The following DLC1 variants were observed in gnomAD, a reference collection of about 807,000 sequenced individuals.
The protein encoded by DLC1 is DLC1 Rho GTPase activating protein.
In DLC1, 54 loss-of-function variants were observed where a neutral mutation model predicts 140.3. The observed-to-expected ratio is 0.38, with a 90% confidence interval of 0.31 to 0.48. The LOEUF (loss-of-function observed/expected upper bound fraction) is 0.48. Ranked by LOEUF, DLC1 falls within the 20% of genes least tolerant of loss-of-function variation. DLC1 has a pLI of 0.96. For missense variants in DLC1, 2,536 were observed against 1,907.0 expected, an observed-to-expected ratio of 1.33 and a Z score of -6.14; for synonymous variants, 986 against 728.1, an observed-to-expected ratio of 1.35 and a Z score of -5.70.
chr8:13,357,185 C>T (rs998566370), intron 4 of DLC1, among the ~76,000 whole-genome samples: 4 of 152,094 alleles, frequency 2.6e-5, no homozygotes, highest in Admixed American at 2.6e-4. Flanking sequence ...GCCCAGGAAT[C>T]GCTTGAACCT....
intron 5 of DLC1, among the ~76,000 whole-genome samples, chr8:13,256,871 C>G (rs540027067): frequency 1.5e-4 from 22 of 145,202 alleles, no homozygotes; most frequent in Non-Finnish European, 3.0e-4. Context: ...CACATGTATC[C>G]CAGAACTTAA....
intron 2 of DLC1, among the ~76,000 whole-genome samples, chr8:13,435,808 G>A (rs1048397363): frequency 1.3e-5 from 2 of 152,138 alleles, no homozygotes; most frequent in African/African-American, 2.4e-5. Context: ...CTGTCAAACA[G>A]CACTGCAAGC....
chr8:13,101,680 C>T (rs867120882), intron 8 of DLC1, among the ~76,000 whole-genome samples: 1 of 152,152 alleles, frequency 6.6e-6, no homozygotes. Flanking sequence ...TGAAGGCTAG[C>T]GCTCAGGCCA....
intron 4 of DLC1, among the ~76,000 whole-genome samples, chr8:13,330,797 A>C (rs2116942688): frequency 6.6e-6 from 1 of 152,300 alleles, no homozygotes; most frequent in Admixed American, 6.5e-5. Context: ...ACTTTTCTTC[A>C]GACTCTCTGT....
intron 2 of DLC1, among the ~76,000 whole-genome samples, chr8:13,486,637 G>C (rs748299230): frequency 2.6e-5 from 4 of 151,806 alleles, no homozygotes; most frequent in Non-Finnish European, 5.9e-5. Flanking sequence ...GAAATGCAAG[G>C]GTATTTAGTT....
rs773757755 is a variant in DLC1 at position 13,401,493 on chromosome 8, T to C, written c.1150A>G (p.Thr384Ala). The change falls in exon 3 of 18, where the codon ACA becomes GCA. Residue 384 changes from threonine (T) to alanine (A), a missense_variant. Thr to Ala is a moderately conservative substitution (Grantham distance 58, BLOSUM62 0). Transcript: ENST00000276297. ...STSSSPSGTP[T>A]NLRRHVPDLE... ...ACAGGAACGTGCCGCCGCAGGTTTG[T>C]TGGTGTGCCTGATGGAGAGGAGCTG... The C allele has an allele frequency of 3.1e-6, 5 of 1,612,640 alleles. No homozygotes were observed. Among genetic ancestry groups the C allele is most frequent in the Admixed American group, 1.7e-5 (1 of 59,988 alleles).
intron 5 of DLC1, among the ~76,000 whole-genome samples, chr8:13,196,825 T>C (rs924702765): frequency 2.0e-5 from 3 of 152,226 alleles, no homozygotes; most frequent in Non-Finnish European, 4.4e-5. Flanking sequence ...TCAAATGAGA[T>C]GAAAAGATTT....
At chr8:13,110,399 T>A (rs979998613) in intron 7 of DLC1, among the ~76,000 whole-genome samples, 3 of 152,176 alleles carry the variant, frequency 2.0e-5, no homozygotes, top group African/African-American at 7.2e-5. Context: ...CCACCCCCCA[T>A]TTATTCCTCT....
At chr8:13,309,802 A>T (rs1832597589) in intron 4 of DLC1, among the ~76,000 whole-genome samples, 1 of 152,168 alleles carries the variant, frequency 6.6e-6, no homozygotes, top group South Asian at 2.1e-4. Flanking sequence ...AATAATAGAC[A>T]TCATATCTGA....
chr8:13,387,502 A>G (rs1407416638), intron 4 of DLC1, among the ~76,000 whole-genome samples: 1 of 151,094 alleles, frequency 6.6e-6, no homozygotes, highest in African/African-American at 2.4e-5. Context: ...TTTTTTTTTC[A>G]GTTTCATTAC....
At chr8:13,193,552 G>T (rs1324422177) in intron 5 of DLC1, among the ~76,000 whole-genome samples, 1 of 152,130 alleles carries the variant, frequency 6.6e-6, no homozygotes, top group Non-Finnish European at 1.5e-5. Context: ...AACTCAGTGG[G>T]TTAGAAGCAT....
Position 13,367,200 on chromosome 8 carries a change from C to T in DLC1, c.1314+26353G>A, listed in dbSNP as rs1046747812. ...GTCACTCGTTCTGGCTGCTGTCATACCTTGGGTCTTGCAAGGCTAGATCTG... is the reference window on the plus strand; with the variant it reads ...GTCACTCGTTCTGGCTGCTGTCATATCTTGGGTCTTGCAAGGCTAGATCTG... On this transcript the variant is annotated intron_variant, in intron 4 of 17. Transcript: ENST00000276297. Among the ~76,000 whole-genome samples, 7 of 152,232 alleles carry T rather than the reference C, an allele frequency of 4.6e-5. No homozygotes were observed. In the South Asian group the frequency reaches 1.0e-3, roughly 23 times the overall value.
intron 2 of DLC1, among the ~76,000 whole-genome samples, chr8:13,460,384 A>G (rs1389352531): frequency 1.3e-5 from 2 of 152,196 alleles, no homozygotes; most frequent in Non-Finnish European, 2.9e-5. Flanking sequence ...GTACAGATTC[A>G]CCGTAAGCTC....
Position 13,499,326 on chromosome 8 carries a change from G to T in DLC1, c.746C>A (p.Thr249Asn), listed in dbSNP as rs1189492928. ...DPPKDENERSTCNVVQNEFLD... is the reference protein window; with the variant it reads ...DPPKDENERSNCNVVQNEFLD... ...GAACTCATTTTGTACTACATTGCAG[G>T]TGCTTCTTTCATTTTCATCTTTAGG... Residue 249 changes from threonine (T) to asparagine (N), a missense_variant, in exon 2 of 18, where the codon ACC becomes AAC. Physicochemically the swap from Thr to Asn is moderately conservative, Grantham distance 65. Coordinates refer to ENST00000276297, the MANE Select transcript of DLC1 (RefSeq NM_182643.3). The T allele has an allele frequency of 1.2e-6, 2 of 1,614,028 alleles. No homozygotes were observed.
chr8:13,382,462 T>C (rs921379683), intron 4 of DLC1, among the ~76,000 whole-genome samples: 4 of 120,336 alleles, frequency 3.3e-5, no homozygotes, highest in South Asian at 2.6e-4. Flanking sequence ...GAGCCGAGAT[T>C]GCGCCACTGC....
At chr8:13,455,166 A>G (rs1048082911) in intron 2 of DLC1, among the ~76,000 whole-genome samples, 21 of 152,338 alleles carry the variant, frequency 1.4e-4, no homozygotes, top group Non-Finnish European at 2.6e-4. Flanking sequence ...TTATTAAAGC[A>G]AATATTACAA....
At chr8:13,435,345 C>T (rs1348237231) in intron 2 of DLC1, among the ~76,000 whole-genome samples, 1 of 151,944 alleles carries the variant, frequency 6.6e-6, no homozygotes, top group Non-Finnish European at 1.5e-5. Flanking sequence ...CAGAGTTTCA[C>T]TCTTGTTGCC....
intron 5 of DLC1, among the ~76,000 whole-genome samples, chr8:13,216,009 A>G (rs546397022): frequency 9.2e-5 from 14 of 152,184 alleles, no homozygotes; most frequent in African/African-American, 3.4e-4. Flanking sequence ...TGATTTTTCT[A>G]ACTCCATTCT....
intron 4 of DLC1, among the ~76,000 whole-genome samples, chr8:13,344,318 A>T (rs1197292669): frequency 1.3e-5 from 2 of 152,096 alleles, no homozygotes; most frequent in Admixed American, 6.5e-5. Context: ...ACATGGTGAA[A>T]CTTTGTCCCT....
Sources: gnomAD v4.1 joint callset for allele counts (sites outside exome capture counted in the v4.1 genomes callset) on GRCh38, gnomAD v4.1.1 for gene constraint, MANE v1.5 for transcripts, NCBI Gene and HGNC (gene_info 2026-07-23, HGNC 2026-07-21) for gene names.